Variants in ERCC6 observed in about 807,000 individuals in gnomAD.
The protein encoded by ERCC6 is ERCC excision repair 6, chromatin remodeling factor, also known as DNA excision repair protein ERCC-6.
Under a neutral mutation model 158.7 loss-of-function variants are expected in ERCC6, and 116 were observed. The ratio of observed to expected loss-of-function variants is 0.73; its 90% CI spans 0.63 to 0.85. ERCC6 has a LOEUF of 0.85. Among genes scored for constraint, ERCC6 ranks in the 40% least tolerant of loss-of-function variants. The probability of loss-of-function intolerance (pLI) is 0.00; values close to 1 mark genes in which losing one functional copy is unlikely to be tolerated. For missense variants in ERCC6, 1,698 were observed against 1,799.4 expected (o/e 0.94, Z 1.02); for synonymous variants, 678 against 659.3 (o/e 1.03, Z -0.43).
intron 18 of ERCC6, among the ~76,000 whole-genome samples, chr10:49,462,853 G>A (rs574754418): frequency 1.1e-4 from 17 of 152,312 alleles, no homozygotes; most frequent in East Asian, 1.9e-4. Flanking sequence ...ACAACTGCTC[G>A]TGACAATTCA....
intron 8 of ERCC6, among the ~76,000 whole-genome samples, chr10:49,485,576 G>T (rs878916818): frequency 6.6e-6 from 1 of 152,116 alleles, no homozygotes; most frequent in Non-Finnish European, 1.5e-5. Flanking sequence ...TTGAGATTAA[G>T]GGAAAATAAA....
chr10:49,472,525 T>C, intron 15 of ERCC6, 55 bp from the exon 16 acceptor site: 3 of 1,570,952 alleles, frequency 1.9e-6, no homozygotes, highest in Non-Finnish European at 1.8e-6. Flanking sequence ...TGACAAGCAC[T>C]GACTATAAGA....
At chr10:49,489,844 CTCT>C (rs1459365688) in intron 8 of ERCC6, among the ~76,000 whole-genome samples, 1 of 152,166 alleles carries the variant, frequency 6.6e-6, no homozygotes, top group Admixed American at 6.5e-5. Context: ...CCTTCTTTAT[CTCT>C]TCATTTACTA....
At position 49,474,072 on chromosome 10, in the gene ERCC6, C is replaced by G. The variant is rs757727257; in HGVS notation, c.2553G>C (p.Trp851Cys). 1 of 1,614,086 alleles carries G rather than the reference C, an allele frequency of 6.2e-7. No individual in the cohort carries two copies. The highest frequency in any genetic ancestry group is 1.1e-5 in the South Asian group (1 of 91,078). ...MIVVESLLKIWHKQGQRVLLF... is the reference protein window; with the variant it reads ...MIVVESLLKICHKQGQRVLLF... ...GCAATACTCGCTGACCCTGCTTGTG[C>G]CATATTTTCAACAAAGACTCAACAA... is the stretch of plus-strand genomic sequence containing the variant. The change falls in exon 13 of 21, where the codon TGG becomes TGC. Residue 851 changes from tryptophan (W) to cysteine (C), a missense_variant. Transcript: ENST00000355832.
chr10:49,504,612 T>C (rs932333446), intron 6 of ERCC6: 3 of 152,196 alleles, frequency 2.0e-5, no homozygotes, highest in African/African-American at 4.8e-5. Flanking sequence ...ACAACACTGA[T>C]GGTATTTGGC....
Position 49,515,761 on chromosome 10 carries a change from T to C in ERCC6, c.1397+8272A>G, listed in dbSNP as rs199723819. ...ATGAACTGGTTATACACTTTGATCA[T>C]GTTTGGCTGCTGAACTTGTATCTTC... On this transcript the variant is annotated intron_variant, in intron 5 of 20. Coordinates refer to ENST00000355832, the MANE Select transcript of ERCC6 (RefSeq NM_000124.4). 9.9e-6 allele frequency: 16 copies of C among 1,614,214 alleles called. No individual in the cohort carries two copies. The highest frequency in any genetic ancestry group is 1.1e-5 in the Non-Finnish European group (13 of 1,180,026).
chr10:49,448,884 G>T, the ERCC6 span, among the ~76,000 whole-genome samples: 1 of 152,094 alleles, frequency 6.6e-6, no homozygotes, highest in East Asian at 1.9e-4. Flanking sequence ...TTCACCTATT[G>T]ATGTATATTT....
downstream of ERCC6, among the ~76,000 whole-genome samples, chr10:49,453,388 A>G (rs1471987491): frequency 6.6e-6 from 1 of 152,130 alleles, no homozygotes; most frequent in Admixed American, 6.5e-5. Context: ...ACACATTGTT[A>G]TAATTATTAC....
rs1850801664 is a variant in ERCC6, at chr10:49,472,645, A to G, written c.2830-175T>C. 1.9e-5 allele frequency: 14 copies of G among 745,956 alleles called. No homozygotes were observed. The South Asian group carries it at 2.1e-4, about 11-fold the overall frequency. The allele number at this position is 745,956 out of a possible 1,614,324, so 46.2% of individuals were successfully genotyped here. A position where few individuals can be genotyped will look rare whatever the true frequency, so the allele number is the denominator to read the frequency against. ...AAGATGAACAGCCAGTTGAAAAGAC[A>G]TCTCTACTTGAAAAAATGTTTGTAA... On this transcript the variant is annotated intron_variant, in intron 15 of 20. Coordinates refer to ENST00000355832, the MANE Select transcript of ERCC6 (RefSeq NM_000124.4).
At chr10:49,494,450 T>C (rs1851231206) in intron 7 of ERCC6, among the ~76,000 whole-genome samples, 1 of 152,236 alleles carries the variant, frequency 6.6e-6, no homozygotes, top group Non-Finnish European at 1.5e-5. Context: ...ATTTATGGAA[T>C]CACCCCAATT....
chr10:49,522,788 T>C (rs1837203196), intron 5 of ERCC6, among the ~76,000 whole-genome samples: 1 of 152,204 alleles, frequency 6.6e-6, no homozygotes, highest in Non-Finnish European at 1.5e-5. Context: ...CTGGGCAACA[T>C]TCCTCAAACA....
intron 19 of ERCC6, 31 bp downstream of exon 19, chr10:49,461,321 C>T (rs754883933): frequency 6.2e-7 from 1 of 1,604,268 alleles, no homozygotes; most frequent in Admixed American, 1.7e-5. Flanking sequence ...GTTTGGACTC[C>T]TTGCAAGTAT....
chr10:49,457,361 A>C lies in ERCC6; in HGVS notation c.*1454T>G, dbSNP rs1211208395. 1 of 152,196 alleles carries C rather than the reference A, an allele frequency of 6.6e-6. No homozygotes were observed. Among genetic ancestry groups the C allele is most frequent in the Admixed American group, 6.5e-5 (1 of 15,274 alleles). 9.4% of individuals were successfully genotyped at this position (152,196 alleles called of 1,614,324 possible). ...AAAGAAATGAACAAGCTATAATCCA[A>C]AAAAAACTAGAAAATCCTGACAGGA... On this transcript the variant is annotated 3_prime_UTR_variant, in exon 21 of 21. Coordinates refer to ENST00000355832, the MANE Select transcript of ERCC6 (RefSeq NM_000124.4).
the ERCC6 span, among the ~76,000 whole-genome samples, chr10:49,438,361 C>T: frequency 1.3e-4 from 20 of 152,114 alleles, no homozygotes; most frequent in Non-Finnish European, 2.9e-4. Context: ...TCTTACATGG[C>T]AGTGGCAAGA....
chr10:49,460,026 G>C, intron 20 of ERCC6: 1 of 371,052 alleles, frequency 2.7e-6, no homozygotes, highest in Admixed American at 4.0e-5. Flanking sequence ...ATTCAAGGCA[G>C]TTTTCTGGAC....
chr10:49,510,390 T>C (rs944891160), intron 5 of ERCC6, among the ~76,000 whole-genome samples: 34 of 152,150 alleles, frequency 2.2e-4, no homozygotes, highest in African/African-American at 7.5e-4. Flanking sequence ...CCTGCATTCC[T>C]GTACTGTCCC....
intron 8 of ERCC6, among the ~76,000 whole-genome samples, chr10:49,484,118 A>G (rs1314702675): frequency 6.6e-6 from 1 of 151,664 alleles, no homozygotes; most frequent in African/African-American, 2.4e-5. Context: ...ATCTCTAAAA[A>G]AAAATTTTAA....
intron 5 of ERCC6, chr10:49,516,861 T>C (rs1421753986): frequency 6.2e-7 from 1 of 1,614,002 alleles, no homozygotes; most frequent in Non-Finnish European, 8.5e-7. Context: ...ATCAGGAGAG[T>C]CATCTTTAGG....
chr10:49,516,598 G>T (rs2132601034), intron 5 of ERCC6: 2 of 1,614,074 alleles, frequency 1.2e-6, no homozygotes, highest in East Asian at 4.5e-5. Flanking sequence ...GTCAAGCCAA[G>T]ATGTACACCT....
Sources: gnomAD v4.1 joint callset for allele counts (sites outside exome capture counted in the v4.1 genomes callset) on GRCh38, gnomAD v4.1.1 for gene constraint, MANE v1.5 for transcripts, NCBI Gene and HGNC (gene_info 2026-07-23, HGNC 2026-07-21) for gene names.